ITCH: variants seen among roughly 807,000 people sequenced by gnomAD.
The protein encoded by ITCH is itchy E3 ubiquitin protein ligase.
A neutral mutation model predicts 126.8 loss-of-function variants in ITCH; 28 were observed. The observed-to-expected ratio is 0.22, with a 90% CI of 0.16 to 0.30. The LOEUF (loss-of-function observed/expected upper bound fraction) is 0.30. ITCH is among the 10% of genes least tolerant of loss of function. The pLI, the probability that ITCH is intolerant of heterozygous loss-of-function variation, is 1.00. For missense variants in ITCH, 631 were observed against 1,032.4 expected, an observed-to-expected ratio of 0.61 and a Z score of 5.33; for synonymous variants, 342 against 340.0, an observed-to-expected ratio of 1.01 and a Z score of -0.06.
At chr20:34,403,110 G>A (rs1179497144) in intron 3 of ITCH, among the ~76,000 whole-genome samples, 2 of 152,074 alleles carry the variant, frequency 1.3e-5, no homozygotes, top group South Asian at 2.1e-4. Context: ...CTTCCAAAGA[G>A]GTAGCTGTTG....
intron 2 of ITCH, among the ~76,000 whole-genome samples, chr20:34,386,636 T>C (rs765238287): frequency 2.0e-5 from 3 of 152,338 alleles, no homozygotes; most frequent in Middle Eastern, 3.4e-3. Flanking sequence ...TAAGAAAATA[T>C]AGGGCTATAT....
At chr20:34,394,923 G>C (rs940034666) in intron 3 of ITCH, among the ~76,000 whole-genome samples, 8 of 151,910 alleles carry the variant, frequency 5.3e-5, no homozygotes, top group African/African-American at 1.9e-4. Flanking sequence ...GTCTCTCCAG[G>C]TCCAGGTCTG....
At chr20:34,435,192 A>G (rs957035962) in intron 7 of ITCH, among the ~76,000 whole-genome samples, 1 of 150,200 alleles carries the variant, frequency 6.7e-6, no homozygotes, top group African/African-American at 2.4e-5. Context: ...TTTTTGAGAC[A>G]GAGTCTTGCT....
At chr20:34,364,497 C>T (rs1442970735) in intron 1 of ITCH, among the ~76,000 whole-genome samples, 1 of 152,010 alleles carries the variant, frequency 6.6e-6, no homozygotes, top group Non-Finnish European at 1.5e-5. Context: ...AATGGTTTAT[C>T]AGTTGAGGTG....
intron 3 of ITCH, among the ~76,000 whole-genome samples, chr20:34,400,144 G>A (rs766401057): frequency 6.6e-6 from 1 of 151,934 alleles, no homozygotes; most frequent in Non-Finnish European, 1.5e-5. Context: ...TTATCATGTT[G>A]GCCAAGATGG....
chr20:34,372,105 G>C (rs1043233389), intron 2 of ITCH, among the ~76,000 whole-genome samples: 2 of 151,770 alleles, frequency 1.3e-5, no homozygotes, highest in South Asian at 4.2e-4. Context: ...AGAAGATCGA[G>C]ACCATCCTGA....
Position 34,492,492 on chromosome 20 carries a change from T to G in ITCH, c.2320-9T>G, listed in dbSNP as rs772356378. ...GACATATATATCTCTTTAAATATAC[T>G]TTTAACAGTTTGTTAAAGAAATTGA... On this transcript the variant is annotated splice_polypyrimidine_tract_variant and intron_variant, in intron 22 of 24. Transcript: ENST00000374864. The G allele has an allele frequency of 2.0e-6, 3 of 1,469,748 alleles. No individual in the cohort carries two copies. The South Asian group carries it at 3.4e-5, about 17-fold the overall frequency. The allele number at this position is 1,469,748 out of a possible 1,614,324, so 91.0% of individuals were successfully genotyped here. A position where few individuals can be genotyped will look rare whatever the true frequency, so the allele number is the denominator to read the frequency against.
chr20:34,381,006 T>C (rs1175350246), intron 2 of ITCH, among the ~76,000 whole-genome samples: 1 of 151,842 alleles, frequency 6.6e-6, no homozygotes, highest in Non-Finnish European at 1.5e-5. Context: ...CAGGCTGGTC[T>C]TGAACTCCTG....
At chr20:34,495,314 T>TAC (rs71194613) in intron 23 of ITCH, among the ~76,000 whole-genome samples, 3 of 76,372 alleles carry the variant, frequency 3.9e-5, no homozygotes, top group East Asian at 3.7e-4. Flanking sequence ...TATATATATA[T>TAC]ATACACACGC....
At chr20:34,428,087 T>C (rs1156316611) in intron 7 of ITCH, among the ~76,000 whole-genome samples, 1 of 152,226 alleles carries the variant, frequency 6.6e-6, no homozygotes, top group Non-Finnish European at 1.5e-5. Context: ...GAGTATGTCT[T>C]TTGTGTTAAG....
chr20:34,474,435 C>T (rs962646552), intron 16 of ITCH, among the ~76,000 whole-genome samples: 8 of 152,228 alleles, frequency 5.3e-5, no homozygotes, highest in Admixed American at 3.9e-4. Flanking sequence ...ATCCATTTAA[C>T]CATGAGTGGA....
chr20:34,406,024 A>AG (rs2039046640), intron 3 of ITCH, among the ~76,000 whole-genome samples: 1 of 145,276 alleles, frequency 6.9e-6, no homozygotes, highest in South Asian at 2.2e-4. Flanking sequence ...ATCTGAAACA[A>AG]TTTTTTTTTT....
At chr20:34,450,650 A>G (rs1274957599) in intron 12 of ITCH, among the ~76,000 whole-genome samples, 3 of 152,242 alleles carry the variant, frequency 2.0e-5, no homozygotes, top group Non-Finnish European at 4.4e-5. Flanking sequence ...GGAAAACAAC[A>G]TAAAGCCCAT....
chr20:34,402,491 C>T (rs2038921653), intron 3 of ITCH: 1 of 761,918 alleles, frequency 1.3e-6, no homozygotes, highest in Non-Finnish European at 2.5e-6. Context: ...AGAAATACAT[C>T]TGTTTGTGGA....
rs1374761492 is a variant in ITCH, at chr20:34,440,204, T to C, written c.729T>C (p.Ser243=). The change falls in exon 9 of 25, where the codon AGT becomes AGC. Residue 243 remains serine (S), a synonymous_variant. Coordinates refer to ENST00000374864, the MANE Select transcript of ITCH (RefSeq NM_031483.7). ...CCACTTCTGAAAGTGATGGGTCTAG[T>C]ACAGGCTCTCTGCCGCCGACAAATA... is the stretch of plus-strand genomic sequence containing the variant. ...PSATSESDGS[S]TGSLPPTNTN... 2.5e-6 allele frequency: 4 copies of C among 1,613,916 alleles called. No individual in the cohort carries two copies. Among genetic ancestry groups the C allele is most frequent in the African/African-American group, 2.7e-5 (2 of 75,064 alleles).
chr20:34,503,062 A>AT (rs944420527), intron 23 of ITCH, among the ~76,000 whole-genome samples: 5 of 152,204 alleles, frequency 3.3e-5, no homozygotes, highest in Non-Finnish European at 5.9e-5. Flanking sequence ...GTTAATTTTA[A>AT]TTTATGTGTT....
chr20:34,364,634 A>G (rs566675769), intron 1 of ITCH, among the ~76,000 whole-genome samples: 1 of 150,284 alleles, frequency 6.7e-6, no homozygotes, highest in East Asian at 2.0e-4. Context: ...TAATCCTAGC[A>G]CTTTGGGAGG....
chr20:34,363,896 C>G (rs1568841293), intron 1 of ITCH, among the ~76,000 whole-genome samples: 1 of 152,220 alleles, frequency 6.6e-6, no homozygotes, highest in Non-Finnish European at 1.5e-5. Flanking sequence ...CATTGTCCCC[C>G]CGGCGTGGTG....
rs1463952712 is a variant in ITCH at position 34,510,421 on chromosome 20, T to C, written c.*2627T>C. 1.3e-5 allele frequency: 2 copies of C among 149,952 alleles called. No individual in the cohort carries two copies. The highest frequency in any genetic ancestry group is 4.2e-4 in the South Asian group (2 of 4,774). 9.3% of individuals were successfully genotyped at this position (149,952 alleles called of 1,614,324 possible). On this transcript the variant is annotated 3_prime_UTR_variant, in exon 25 of 25. Coordinates refer to ENST00000374864, the MANE Select transcript of ITCH (RefSeq NM_031483.7). Reference sequence around the variant, plus strand: ...GAAGTCTTTTTCTTTGTAAGCATTGTAAATGCTAATAAATCCTGTTAATTT... The same window carrying C: ...GAAGTCTTTTTCTTTGTAAGCATTGCAAATGCTAATAAATCCTGTTAATTT...
Sources: gnomAD v4.1 joint callset for allele counts (sites outside exome capture counted in the v4.1 genomes callset) on GRCh38, gnomAD v4.1.1 for gene constraint, MANE v1.5 for transcripts, NCBI Gene and HGNC (gene_info 2026-07-23, HGNC 2026-07-21) for gene names.